Variants in NME7 observed in about 807,000 individuals in gnomAD.
NME7 encodes the protein nucleoside diphosphate kinase 7.
Under a neutral mutation model 49.1 loss-of-function variants are expected in NME7, and 41 were observed. The observed-to-expected ratio is 0.83, with a 90% CI of 0.65 to 1.08. The LOEUF (loss-of-function observed/expected upper bound fraction) is 1.08, where lower values mean the gene tolerates loss of function less well. NME7 is among the 50% of genes least tolerant of loss of function. The pLI is 0.00. For synonymous variants in NME7, 139 were observed against 150.6 expected, an observed-to-expected ratio of 0.92 and a Z score of 0.56; for missense variants, 423 against 463.4, an observed-to-expected ratio of 0.91 and a Z score of 0.80.
intron 10 of NME7, among the ~76,000 whole-genome samples, chr1:169,178,140 C>G (rs953647295): frequency 2.6e-5 from 4 of 151,986 alleles, no homozygotes; most frequent in Non-Finnish European, 5.9e-5. Context: ...TGCCCAGCCT[C>G]TCCTCTTTCT....
intron 7 of NME7, chr1:169,284,527 G>C (rs1650186446): frequency 6.6e-6 from 1 of 152,004 alleles, no homozygotes; most frequent in African/African-American, 2.4e-5. Context: ...CTCTCATTCT[G>C]TAGGTTGTCT....
At chr1:169,175,318 C>A (rs1447035985) in intron 10 of NME7, among the ~76,000 whole-genome samples, 1 of 152,062 alleles carries the variant, frequency 6.6e-6, no homozygotes, top group Non-Finnish European at 1.5e-5. Flanking sequence ...TTCTGGAATA[C>A]CTCCTGAAGG....
chr1:169,263,196 T>C (rs368051847), intron 7 of NME7, among the ~76,000 whole-genome samples: 1 of 134,030 alleles, frequency 7.5e-6, no homozygotes, highest in South Asian at 2.3e-4. Context: ...AAAGCTGAAG[T>C]GCCTTCTTTC....
intron 6 of NME7, among the ~76,000 whole-genome samples, chr1:169,295,585 C>G (rs1345091728): frequency 1.3e-5 from 2 of 152,164 alleles, no homozygotes; most frequent in African/African-American, 4.8e-5. Flanking sequence ...TTGCATGTAT[C>G]TTTAACTTCC....
chr1:169,220,839 C>T (rs574007639), intron 10 of NME7, among the ~76,000 whole-genome samples: 4 of 152,218 alleles, frequency 2.6e-5, no homozygotes, highest in Admixed American at 1.3e-4. Context: ...AAAAATGTTT[C>T]TTTTACTATA....
chr1:169,331,483 CAA>C (rs1243233027), intron 1 of NME7, among the ~76,000 whole-genome samples: 3 of 151,990 alleles, frequency 2.0e-5, no homozygotes, highest in Non-Finnish European at 2.9e-5. Flanking sequence ...AACAATCAGA[CAA>C]GAGAAAGATA....
At chr1:169,340,595 A>C (rs1652651310) in intron 1 of NME7, among the ~76,000 whole-genome samples, 1 of 152,228 alleles carries the variant, frequency 6.6e-6, no homozygotes, top group South Asian at 2.1e-4. Flanking sequence ...GAAGAAAAGA[A>C]GATGTGGGAA....
chr1:169,338,017 G>T (rs1652546495), intron 1 of NME7, among the ~76,000 whole-genome samples: 1 of 152,006 alleles, frequency 6.6e-6, no homozygotes, highest in Non-Finnish European at 1.5e-5. Flanking sequence ...AAGTAAAAAG[G>T]GTCTTCACGT....
At chr1:169,202,848 A>G (rs908223120) in intron 10 of NME7, among the ~76,000 whole-genome samples, 6 of 152,170 alleles carry the variant, frequency 3.9e-5, no homozygotes, top group African/African-American at 1.2e-4. Context: ...ATAAATATTC[A>G]ATGGGTTATA....
intron 10 of NME7, among the ~76,000 whole-genome samples, chr1:169,203,205 T>C (rs1660594494): frequency 6.6e-6 from 1 of 152,312 alleles, no homozygotes; most frequent in South Asian, 2.1e-4. Context: ...AAAGCCTGTA[T>C]GCACATTAGG....
At chr1:169,239,845 T>A (rs1351680603) in intron 7 of NME7, among the ~76,000 whole-genome samples, 1 of 151,976 alleles carries the variant, frequency 6.6e-6, no homozygotes, top group Admixed American at 6.6e-5. Flanking sequence ...AGTATCTTCA[T>A]CTTACTGAAT....
intron 10 of NME7, among the ~76,000 whole-genome samples, chr1:169,179,621 AG>A: frequency 6.6e-6 from 1 of 152,362 alleles, no homozygotes; most frequent in African/African-American, 2.4e-5. Context: ...AATACTATGC[AG>A]CCATAAAAAG....
At chr1:169,246,686 C>G (rs906601357) in intron 7 of NME7, among the ~76,000 whole-genome samples, 1 of 152,008 alleles carries the variant, frequency 6.6e-6, no homozygotes, top group African/African-American at 2.4e-5. Context: ...TTAAGTGATT[C>G]AACTACCTCA....
Position 169,257,221 on chromosome 1 carries a change from G to A in NME7, c.755-19534C>T, listed in dbSNP as rs550481371. On this transcript the variant is annotated intron_variant, in intron 7 of 11. Transcript: ENST00000367811. ...CTGTGCTGGCAATCGGCGAGACTCC[G>A]TGGGCATAGGACCCTCCAAGCCAGG... is the stretch of plus-strand genomic sequence containing the variant. Among the ~76,000 whole-genome samples, 29 of 134,452 alleles carry A rather than the reference G, an allele frequency of 2.2e-4. 4 individuals carry two copies. The highest frequency in any genetic ancestry group is 5.5e-4 in the African/African-American group (22 of 39,800). The allele number at this position is 134,452 out of a possible 152,430, so 88.2% of individuals were successfully genotyped here.
intron 10 of NME7, among the ~76,000 whole-genome samples, chr1:169,200,853 G>A (rs532928975): frequency 1.3e-5 from 2 of 152,132 alleles, no homozygotes; most frequent in South Asian, 4.1e-4. Context: ...CTGTCCTCTT[G>A]GGGATTGTAG....
At chr1:169,367,551 G>T (rs1653922272) in intron 1 of NME7, among the ~76,000 whole-genome samples, 157 bp downstream of exon 1, 1 of 152,142 alleles carries the variant, frequency 6.6e-6, no homozygotes, top group African/African-American at 2.4e-5. Context: ...TACGGAGAGC[G>T]AGGAGACTGC....
intron 9 of NME7, among the ~76,000 whole-genome samples, chr1:169,232,528 C>G (rs1373748879): frequency 6.9e-6 from 1 of 143,982 alleles, no homozygotes; most frequent in Non-Finnish European, 1.5e-5. Context: ...AAAACAAAAA[C>G]AAAAAGCTTT....
At chr1:169,231,985 A>C (rs1647642740) in intron 9 of NME7, among the ~76,000 whole-genome samples, 1 of 152,212 alleles carries the variant, frequency 6.6e-6, no homozygotes, top group Non-Finnish European at 1.5e-5. Flanking sequence ...GGAAAATACT[A>C]ACCATTACCA....
chr1:169,299,725 T>G (rs542897387), intron 5 of NME7, among the ~76,000 whole-genome samples: 2 of 152,226 alleles, frequency 1.3e-5, no homozygotes, highest in South Asian at 4.2e-4. Flanking sequence ...TCCCATTCAT[T>G]TTGAAGAATA....
Sources: allele counts gnomAD v4.1 joint callset (sites outside exome capture counted in the v4.1 genomes callset), GRCh38; gene constraint gnomAD v4.1.1; transcripts MANE v1.5; gene names NCBI Gene and HGNC (gene_info 2026-07-23, HGNC 2026-07-21).